FBXO32: variants seen among roughly 807,000 people sequenced by gnomAD.
The protein encoded by FBXO32 is F-box only protein 32.
A neutral mutation model predicts 48.3 loss-of-function variants in FBXO32; 15 were observed. That is an observed-to-expected ratio of 0.31 (90% CI 0.21 to 0.48). The LOEUF (loss-of-function observed/expected upper bound fraction) is 0.48. FBXO32 is among the 20% of genes least tolerant of loss of function. The probability of loss-of-function intolerance (pLI) is 0.99; values close to 1 mark genes in which losing one functional copy is unlikely to be tolerated. For synonymous variants in FBXO32, 154 were observed against 165.9 expected (o/e 0.93, Z 0.55); for missense variants, 309 against 432.7 (o/e 0.71, Z 2.54).
At position 123,541,077 on chromosome 8, in the gene FBXO32, C is replaced by T; in HGVS notation, c.-63G>A. 1 of 1,146,376 alleles carries T rather than the reference C, an allele frequency of 8.7e-7. No individual in the cohort carries two copies. The highest frequency in any genetic ancestry group is 1.2e-6 in the Non-Finnish European group (1 of 840,654). The allele number at this position is 1,146,376 out of a possible 1,614,324, so 71.0% of individuals were successfully genotyped here. A position where few individuals can be genotyped will look rare whatever the true frequency, so the allele number is the denominator to read the frequency against. On this transcript the variant is annotated 5_prime_UTR_variant, in exon 1 of 9. Coordinates refer to ENST00000517956, the MANE Select transcript of FBXO32 (RefSeq NM_058229.4). ...CCGGCCTGGTGGGCTCGGGGACGTG[C>T]CACCCGGGGCGGATGCTCGGGGTGC...
chr8:123,528,789 C>A (rs1043497798), intron 4 of FBXO32, among the ~76,000 whole-genome samples: 2 of 152,170 alleles, frequency 1.3e-5, no homozygotes, highest in Non-Finnish European at 2.9e-5. Flanking sequence ...ATGAACATAA[C>A]AGATTTTCAG....
At chr8:123,539,106 A>G (rs1054253974) in intron 1 of FBXO32, among the ~76,000 whole-genome samples, 1 of 152,158 alleles carries the variant, frequency 6.6e-6, no homozygotes, top group East Asian at 1.9e-4. Flanking sequence ...TCTGAGCACA[A>G]GCCATCCTCC....
In FBXO32 at chr8:123,501,504, A is replaced by G. The variant is rs924572282; in HGVS notation, c.*1869T>C. The G allele has an allele frequency of 8.5e-5, 13 of 152,210 alleles. No individual in the cohort carries two copies. Among genetic ancestry groups the G allele is most frequent in the African/African-American group, 2.9e-4 (12 of 41,452 alleles). 9.4% of individuals were successfully genotyped at this position (152,210 alleles called of 1,614,324 possible). On this transcript the variant is annotated 3_prime_UTR_variant, in exon 9 of 9. Coordinates refer to ENST00000517956, the MANE Select transcript of FBXO32 (RefSeq NM_058229.4). ...TCTTATTAGGGAAAATTTAAATTCA[A>G]TGTAATTTTTTTCTCAGGGGGATGA...
In FBXO32 at chr8:123,502,180, T is replaced by C. The variant is rs1211219964; in HGVS notation, c.*1193A>G. On this transcript the variant is annotated 3_prime_UTR_variant, in exon 9 of 9. Transcript: ENST00000517956. ...TAGCTCAGATGGACTCATTTTGATG[T>C]TGGACCTAAAGAAAAGAAGCTCCTC... The C allele has an allele frequency of 2.0e-5, 3 of 152,226 alleles. No individual in the cohort carries two copies. The highest frequency in any genetic ancestry group is 4.4e-5 in the Non-Finnish European group (3 of 68,050). 9.4% of individuals were successfully genotyped at this position (152,226 alleles called of 1,614,324 possible). A position where few individuals can be genotyped will look rare whatever the true frequency, so the allele number is the denominator to read the frequency against.
intron 7 of FBXO32, among the ~76,000 whole-genome samples, chr8:123,505,082 T>C (rs1300129660): frequency 2.0e-5 from 3 of 152,252 alleles, no homozygotes; most frequent in Non-Finnish European, 4.4e-5. Context: ...TTCTTTGCTG[T>C]AGACTTGAGT....
chr8:123,533,930 T>A (rs947512106), intron 2 of FBXO32, among the ~76,000 whole-genome samples: 2 of 151,830 alleles, frequency 1.3e-5, no homozygotes, highest in Non-Finnish European at 2.9e-5. Flanking sequence ...CTGTCTCTAC[T>A]AAAAACACAA....
chr8:123,497,942 T>G lies in FBXO32; in HGVS notation c.*5431A>C, dbSNP rs2130480343. On this transcript the variant is annotated 3_prime_UTR_variant, in exon 9 of 9. Coordinates refer to ENST00000517956, the MANE Select transcript of FBXO32 (RefSeq NM_058229.4). Reference sequence around the variant, plus strand: ...CAGTGTCAAAAGTTTTTTACAAAAATATGCCACCGTCTGGTACAAACAACT... The same window carrying G: ...CAGTGTCAAAAGTTTTTTACAAAAAGATGCCACCGTCTGGTACAAACAACT... 1 of 152,326 alleles carries G rather than the reference T, an allele frequency of 6.6e-6. No homozygotes were observed. The highest frequency in any genetic ancestry group is 2.4e-5 in the African/African-American group (1 of 41,592). The allele number at this position is 152,326 out of a possible 1,614,324, so 9.4% of individuals were successfully genotyped here. A position where few individuals can be genotyped will look rare whatever the true frequency, so the allele number is the denominator to read the frequency against.
At chr8:123,531,857 G>A (rs1168322111) in intron 4 of FBXO32, 41 bp downstream of exon 4, 1 of 1,603,668 alleles carries the variant, frequency 6.2e-7, no homozygotes, top group East Asian at 2.2e-5. Context: ...GATTCAACTT[G>A]GGAAAGAGCC....
At chr8:123,528,476 A>G (rs1344299438) in intron 4 of FBXO32, among the ~76,000 whole-genome samples, 1 of 152,198 alleles carries the variant, frequency 6.6e-6, no homozygotes, top group East Asian at 1.9e-4. Context: ...GTCCTTCCAC[A>G]AGTAGGTAAG....
At chr8:123,517,202 A>C (rs920350621) in intron 4 of FBXO32, among the ~76,000 whole-genome samples, 1 of 152,212 alleles carries the variant, frequency 6.6e-6, no homozygotes, top group Non-Finnish European at 1.5e-5. Context: ...AGGCAGCCAG[A>C]GCTCTGCCTG....
In FBXO32 at chr8:123,511,006, C is replaced by T. The variant is rs148237559; in HGVS notation, c.651+2192G>A. On this transcript the variant is annotated intron_variant, in intron 6 of 8. Coordinates refer to ENST00000517956, the MANE Select transcript of FBXO32 (RefSeq NM_058229.4). ...GGAGTGTGCAGAGAATGGCTTGGCT[C>T]GGCTGGAGCTCCTCGTGCAGAAGAG... 4.1e-3 allele frequency among the ~76,000 whole-genome samples: 622 copies of T among 152,306 alleles called. 5 individuals are homozygous for T. Among genetic ancestry groups the T allele is most frequent in the South Asian group, 0.023 (111 of 4,826 alleles).
chr8:123,509,569 G>A (rs545269364), intron 6 of FBXO32, among the ~76,000 whole-genome samples: 8 of 151,982 alleles, frequency 5.3e-5, no homozygotes, highest in Admixed American at 1.3e-4. Context: ...GTGTGGTGGC[G>A]AGTGACTGTA....
chr8:123,535,851 C>T (rs1432315838), intron 1 of FBXO32, among the ~76,000 whole-genome samples: 5 of 149,318 alleles, frequency 3.3e-5, no homozygotes, highest in Non-Finnish European at 5.9e-5. Flanking sequence ...GCTATACCAC[C>T]GATATTTTAT....
intron 4 of FBXO32, among the ~76,000 whole-genome samples, chr8:123,522,847 T>G (rs1263078649): frequency 1.3e-5 from 2 of 152,178 alleles, no homozygotes; most frequent in Non-Finnish European, 2.9e-5. Context: ...CCAAGGCTCC[T>G]AGACTGTACT....
intron 4 of FBXO32, among the ~76,000 whole-genome samples, chr8:123,531,614 G>A (rs935971633): frequency 6.6e-6 from 1 of 152,226 alleles, no homozygotes; most frequent in African/African-American, 2.4e-5. Context: ...GAAGGGGCCT[G>A]GTGTGAAATT....
At chr8:123,537,954 C>T (rs182439374) in intron 1 of FBXO32, among the ~76,000 whole-genome samples, 1 of 152,246 alleles carries the variant, frequency 6.6e-6, no homozygotes, top group African/African-American at 2.4e-5. Context: ...CTGAGGAAGG[C>T]TGTGCGGGTG....
At chr8:123,533,793 G>A (rs993757526) in intron 2 of FBXO32, among the ~76,000 whole-genome samples, 6 of 152,050 alleles carry the variant, frequency 3.9e-5, no homozygotes, top group Non-Finnish European at 7.4e-5. Flanking sequence ...GGGCGACAGA[G>A]CGAGACTCCG....
chr8:123,506,302 C>A lies in FBXO32; in HGVS notation c.834+90G>T. 1 of 1,415,906 alleles carries A rather than the reference C, an allele frequency of 7.1e-7. No individual in the cohort carries two copies. Among genetic ancestry groups the A allele is most frequent in the Non-Finnish European group, 9.8e-7 (1 of 1,021,686 alleles). The allele number at this position is 1,415,906 out of a possible 1,614,324, so 87.7% of individuals were successfully genotyped here. A position where few individuals can be genotyped will look rare whatever the true frequency, so the allele number is the denominator to read the frequency against. ...CAGGGAACCTGGAATAGGGGGAACC[C>A]AGACCTCAGGCTTGAGCAGGGCACC... On this transcript the variant is annotated intron_variant, in intron 7 of 8. Transcript: ENST00000517956. The surrounding 1 kb of genome is among the most constrained non-coding windows in gnomAD (Gnocchi z 4.0).
intron 1 of FBXO32, 45 bp from the exon 2 acceptor site, chr8:123,534,859 C>G (rs780467607): frequency 8.0e-7 from 1 of 1,246,968 alleles, no homozygotes; most frequent in South Asian, 1.2e-5. Context: ...AACAGCTATA[C>G]ATGAACCTGA....
Sources: gnomAD v4.1 joint callset for allele counts (sites outside exome capture counted in the v4.1 genomes callset) on GRCh38, gnomAD v4.1.1 for gene constraint, Gnocchi (gnomAD v3.1) non-coding constraint, MANE v1.5 for transcripts, NCBI Gene and HGNC (gene_info 2026-07-23, HGNC 2026-07-21) for gene names.